GOLIM4: variants seen among roughly 807,000 people sequenced by gnomAD.
GOLIM4 encodes 130 kDa golgi-localized phosphoprotein.
A neutral mutation model predicts 107.4 loss-of-function variants in GOLIM4; 71 were observed. That is an observed-to-expected ratio of 0.66 (90% confidence interval 0.55 to 0.81). GOLIM4 has a LOEUF of 0.81. Ranked by LOEUF, GOLIM4 falls within the 30% of genes least tolerant of loss-of-function variation. The probability of loss-of-function intolerance (pLI) is 0.00; values close to 1 mark genes in which losing one functional copy is unlikely to be tolerated. For synonymous variants in GOLIM4, 327 were observed against 294.8 expected (o/e 1.11, Z -1.12); for missense variants, 830 against 826.1 (o/e 1.00, Z -0.06).
At chr3:168,037,482 A>T (rs534093101) in intron 7 of GOLIM4, among the ~76,000 whole-genome samples, 3 of 152,276 alleles carry the variant, frequency 2.0e-5, no homozygotes, top group Admixed American at 6.5e-5. Flanking sequence ...AAACACACAC[A>T]CATATAAATA....
At chr3:168,011,670 G>C (rs1717042759) in intron 14 of GOLIM4, among the ~76,000 whole-genome samples, 1 of 149,392 alleles carries the variant, frequency 6.7e-6, no homozygotes, top group Admixed American at 6.6e-5. Flanking sequence ...GAGAGCAGTG[G>C]TTCTCCCAGC....
chr3:168,082,741 A>G, intron 1 of GOLIM4, among the ~76,000 whole-genome samples: 1 of 152,142 alleles, frequency 6.6e-6, no homozygotes, highest in South Asian at 2.1e-4. Context: ...CACCAAGAGC[A>G]GGAGTTCACA....
At chr3:168,033,272 T>G (rs1288675838) in intron 8 of GOLIM4, among the ~76,000 whole-genome samples, 1 of 151,912 alleles carries the variant, frequency 6.6e-6, no homozygotes. Context: ...AATTGAGGAG[T>G]TGGGTTTAGT....
intron 7 of GOLIM4, 33 bp from the exon 8 acceptor site, chr3:168,037,027 T>A: frequency 6.5e-7 from 1 of 1,530,876 alleles, no homozygotes; most frequent in Non-Finnish European, 9.0e-7. Context: ...GAGGAGGGAA[T>A]CTATGAATGC....
intron 1 of GOLIM4, among the ~76,000 whole-genome samples, chr3:168,060,633 G>C (rs1720213410): frequency 6.6e-6 from 1 of 152,160 alleles, no homozygotes; most frequent in East Asian, 1.9e-4. Flanking sequence ...GAATGTGTGG[G>C]AACAATGAAA....
At chr3:168,073,243 C>T (rs1017287236) in intron 1 of GOLIM4, among the ~76,000 whole-genome samples, 9 of 152,242 alleles carry the variant, frequency 5.9e-5, no homozygotes, top group African/African-American at 1.7e-4. Flanking sequence ...ACCAATAGGA[C>T]TTCTTGACGG....
At chr3:168,051,817 G>A (rs1187882688) in intron 1 of GOLIM4, among the ~76,000 whole-genome samples, 2 of 152,174 alleles carry the variant, frequency 1.3e-5, no homozygotes, top group Non-Finnish European at 2.9e-5. Context: ...TGAAAGAATG[G>A]AGCAGCGGTG....
chr3:168,058,795 A>T (rs905189337), intron 1 of GOLIM4, among the ~76,000 whole-genome samples: 1 of 152,212 alleles, frequency 6.6e-6, no homozygotes, highest in South Asian at 2.1e-4. Flanking sequence ...AAAGACATGT[A>T]TAAGTGTATA....
chr3:168,082,238 C>T (rs1721409646), intron 1 of GOLIM4, among the ~76,000 whole-genome samples: 1 of 152,244 alleles, frequency 6.6e-6, no homozygotes, highest in South Asian at 2.1e-4. Context: ...AAATGCTACC[C>T]TTAAGGAAGA....
At chr3:168,066,573 T>C (rs1281332634) in intron 1 of GOLIM4, among the ~76,000 whole-genome samples, 1 of 152,180 alleles carries the variant, frequency 6.6e-6, no homozygotes, top group Non-Finnish European at 1.5e-5. Context: ...AGGTAAAGTA[T>C]ACTTGTAGAT....
chr3:168,050,242 T>C (rs1719538753), intron 1 of GOLIM4, among the ~76,000 whole-genome samples: 1 of 150,152 alleles, frequency 6.7e-6, no homozygotes. Context: ...TCCAAAAAGT[T>C]TGGTTCCAAG....
At position 168,032,696 on chromosome 3, in the gene GOLIM4, G is replaced by T; in HGVS notation, c.1000C>A (p.Gln334Lys). 2.5e-6 allele frequency: 4 copies of T among 1,614,038 alleles called. No homozygotes were observed. Among genetic ancestry groups the T allele is most frequent in the Non-Finnish European group, 3.4e-6 (4 of 1,180,030 alleles). The change falls in exon 9 of 16, where the codon CAG becomes AAG. Residue 334 changes from glutamine to lysine, a missense_variant. Coordinates refer to ENST00000470487, the MANE Select transcript of GOLIM4 (RefSeq NM_014498.5). ...GCCTTTCTGTGCTCCTCTTCCACCT[G>T]ATGCTCCTCAGGTTCTCTGCGTTCC... ...EVERREPEEH[Q>K]VEEEHRKALE... is the part of the protein sequence containing the mutation.
At chr3:168,048,551 G>C (rs1719443604) in intron 1 of GOLIM4, among the ~76,000 whole-genome samples, 186 bp from the exon 2 acceptor site, 2 of 152,168 alleles carry the variant, frequency 1.3e-5, no homozygotes, top group Non-Finnish European at 2.9e-5. Context: ...TTCTGGGCTG[G>C]CTCCCATCCA....
At chr3:168,093,397 T>A (rs964431503) in intron 1 of GOLIM4, among the ~76,000 whole-genome samples, 39 of 152,356 alleles carry the variant, frequency 2.6e-4, no homozygotes, top group African/African-American at 8.9e-4. Context: ...CTAATGAGTG[T>A]CAGGCACAGT....
chr3:168,037,303 G>A (rs901909680), intron 7 of GOLIM4, among the ~76,000 whole-genome samples: 36 of 152,054 alleles, frequency 2.4e-4, no homozygotes, highest in Admixed American at 1.6e-3. Context: ...TTAAAAGACC[G>A]TTCTGTGATG....
chr3:168,044,431 A>T (rs1719190258), intron 4 of GOLIM4, among the ~76,000 whole-genome samples: 1 of 152,260 alleles, frequency 6.6e-6, no homozygotes, highest in African/African-American at 2.4e-5. Context: ...AAGGACATTT[A>T]TTAAATATTA....
At chr3:168,082,192 G>A (rs1266012925) in intron 1 of GOLIM4, among the ~76,000 whole-genome samples, 3 of 152,102 alleles carry the variant, frequency 2.0e-5, no homozygotes, top group Non-Finnish European at 4.4e-5. Flanking sequence ...TCTTCAGGAC[G>A]TTCATGAACC....
intron 8 of GOLIM4, 62 bp from the exon 9 acceptor site, chr3:168,032,914 C>T (rs1003812900): frequency 7.7e-7 from 1 of 1,301,664 alleles, no homozygotes; most frequent in Non-Finnish European, 1.1e-6. Flanking sequence ...GATGTAATTT[C>T]TTGATTTCCA....
At chr3:168,040,757 G>A in intron 7 of GOLIM4, 29 bp downstream of exon 7, 1 of 1,447,530 alleles carries the variant, frequency 6.9e-7, no homozygotes, top group African/African-American at 1.4e-5. Context: ...ACTTGTAAAA[G>A]AACCCACAGA....
Sources: gnomAD v4.1 joint callset for allele counts (sites outside exome capture counted in the v4.1 genomes callset) on GRCh38, gnomAD v4.1.1 for gene constraint, MANE v1.5 for transcripts, NCBI Gene and HGNC (gene_info 2026-07-23, HGNC 2026-07-21) for gene names.